CTIF: variants seen among roughly 807,000 people sequenced by gnomAD.
CTIF encodes CBP80/20-dependent translation initiation factor.
Under a neutral mutation model 66.0 loss-of-function variants are expected in CTIF, and 21 were observed. The observed-to-expected ratio is 0.32, with a 90% CI of 0.23 to 0.46. The LOEUF is 0.46. Among genes scored for constraint, CTIF ranks in the 20% least tolerant of loss-of-function variants. The pLI is 1.00. For synonymous variants in CTIF, 345 were observed against 326.4 expected, an observed-to-expected ratio of 1.06 and a Z score of -0.62; for missense variants, 739 against 812.7, an observed-to-expected ratio of 0.91 and a Z score of 1.10.
intron 10 of CTIF, among the ~76,000 whole-genome samples, chr18:48,827,533 G>A (rs1181136140): frequency 6.6e-6 from 1 of 152,204 alleles, no homozygotes; most frequent in African/African-American, 2.4e-5. Context: ...GACTGTAACG[G>A]TCAAACAAAA....
chr18:48,562,107 A>T (rs1209253218), intron 1 of CTIF, among the ~76,000 whole-genome samples: 1 of 152,250 alleles, frequency 6.6e-6, no homozygotes, highest in Non-Finnish European at 1.5e-5. Flanking sequence ...TTTTAGCCAT[A>T]CTGTTTTTTT....
At chr18:48,714,523 C>T (rs945247886) in intron 7 of CTIF, among the ~76,000 whole-genome samples, 1 of 152,106 alleles carries the variant, frequency 6.6e-6, no homozygotes, top group Non-Finnish European at 1.5e-5. Flanking sequence ...CTCCAGGCAG[C>T]ATGAGCGTGC....
At chr18:48,739,327 T>A (rs1425523339) in intron 7 of CTIF, among the ~76,000 whole-genome samples, 1 of 152,222 alleles carries the variant, frequency 6.6e-6, no homozygotes, top group Non-Finnish European at 1.5e-5. Flanking sequence ...CCAAGCTGGA[T>A]GTCAGGCAAA....
chr18:48,812,072 C>G (rs1189632264), intron 9 of CTIF, among the ~76,000 whole-genome samples: 1 of 152,188 alleles, frequency 6.6e-6, no homozygotes, highest in Non-Finnish European at 1.5e-5. Context: ...AAGCAGTTCT[C>G]CTGCCTCAGC....
At chr18:48,554,623 C>G (rs2088971603) in intron 1 of CTIF, among the ~76,000 whole-genome samples, 1 of 152,252 alleles carries the variant, frequency 6.6e-6, no homozygotes, top group Admixed American at 6.5e-5. Context: ...CCCAAGTTCT[C>G]CTCTCTGTCA....
At chr18:48,734,381 C>T (rs1418531083) in intron 7 of CTIF, among the ~76,000 whole-genome samples, 1 of 152,172 alleles carries the variant, frequency 6.6e-6, no homozygotes, top group Non-Finnish European at 1.5e-5. Context: ...GCTTGGCCAA[C>T]ATGGTGAAAC....
chr18:48,671,761 A>C (rs1449656219), intron 6 of CTIF, among the ~76,000 whole-genome samples: 3 of 150,884 alleles, frequency 2.0e-5, no homozygotes, highest in Non-Finnish European at 4.4e-5. Context: ...TATGTATTCT[A>C]TGCTTCTTCA....
At chr18:48,639,832 C>T (rs887258454) in intron 3 of CTIF, among the ~76,000 whole-genome samples, 2 of 152,144 alleles carry the variant, frequency 1.3e-5, no homozygotes, top group Admixed American at 6.5e-5. Context: ...GTGGCTCATA[C>T]CCACGTCCAT....
chr18:48,605,342 G>A (rs2090183188), intron 1 of CTIF, among the ~76,000 whole-genome samples: 1 of 152,192 alleles, frequency 6.6e-6, no homozygotes, highest in African/African-American at 2.4e-5. Flanking sequence ...AGGATTCTGG[G>A]TGAAATCCAG....
chr18:48,712,127 C>T (rs1175295071), intron 7 of CTIF, among the ~76,000 whole-genome samples: 2 of 152,152 alleles, frequency 1.3e-5, no homozygotes, highest in Non-Finnish European at 2.9e-5. Context: ...TTTTCCTCCT[C>T]CCTGGTCATT....
intron 1 of CTIF, among the ~76,000 whole-genome samples, chr18:48,546,615 G>A (rs990543291): frequency 1.3e-5 from 2 of 152,242 alleles, no homozygotes; most frequent in Admixed American, 6.5e-5. Flanking sequence ...GCTGAGGCTC[G>A]TCTAGGCCTG....
chr18:48,685,664 A>C (rs1318988444), intron 6 of CTIF, among the ~76,000 whole-genome samples: 1 of 151,996 alleles, frequency 6.6e-6, no homozygotes, highest in Non-Finnish European at 1.5e-5. Context: ...CACTGCTATG[A>C]AGTTACTATT....
intron 10 of CTIF, among the ~76,000 whole-genome samples, chr18:48,832,942 G>A (rs887038218): frequency 3.9e-5 from 6 of 152,208 alleles, no homozygotes; most frequent in Admixed American, 6.5e-5. Context: ...TCTGGGGGGC[G>A]GAGGTGGTAG....
chr18:48,760,598 T>G (rs1908888000), intron 8 of CTIF: 1 of 152,206 alleles, frequency 6.6e-6, no homozygotes, highest in African/African-American at 2.4e-5. Flanking sequence ...TCCAGCCAGA[T>G]CTCACTTCCT....
intron 1 of CTIF, among the ~76,000 whole-genome samples, chr18:48,589,999 C>T (rs921969979): frequency 6.6e-5 from 10 of 151,526 alleles, no homozygotes; most frequent in African/African-American, 1.9e-4. Context: ...CCTTTACAGG[C>T]GAGTGCCTCG....
At chr18:48,568,638 A>AAAAAAAAAAAAAAAAAAAAAAAAAG (rs2089335722) in intron 1 of CTIF, among the ~76,000 whole-genome samples, 1 of 63,572 alleles carries the variant, frequency 1.6e-5, no homozygotes, top group African/African-American at 2.2e-4. Context: ...ATTTGTAAAA[A>AAAAAAAAAAAAAAAAAAAAAAAAAG]AAAAAAAAAA....
At chr18:48,544,871 A>G (rs1282459427) in intron 1 of CTIF, among the ~76,000 whole-genome samples, 1 of 152,208 alleles carries the variant, frequency 6.6e-6, no homozygotes, top group East Asian at 1.9e-4. Flanking sequence ...GTGAACAGGT[A>G]CAGCCCCCTG....
intron 1 of CTIF, among the ~76,000 whole-genome samples, chr18:48,619,089 G>A (rs923453561): frequency 2.0e-5 from 3 of 152,344 alleles, no homozygotes; most frequent in Middle Eastern, 3.4e-3. Flanking sequence ...GAGGACCTGA[G>A]CCCCTCAGAG....
At chr18:48,844,433 A>G (rs2069022379) in intron 10 of CTIF, among the ~76,000 whole-genome samples, 1 of 152,246 alleles carries the variant, frequency 6.6e-6, no homozygotes, top group African/African-American at 2.4e-5. Context: ...GCCCCAAATT[A>G]TATTTCCAGC....
Sources: allele counts gnomAD v4.1 joint callset (sites outside exome capture counted in the v4.1 genomes callset), GRCh38; gene constraint gnomAD v4.1.1; transcripts MANE v1.5; gene names NCBI Gene and HGNC (gene_info 2026-07-23, HGNC 2026-07-21).